The following SNX27 variants were observed in gnomAD, a reference collection of about 807,000 sequenced individuals.
The protein encoded by SNX27 is sorting nexin 27.
Under a neutral mutation model 71.6 loss-of-function variants are expected in SNX27, and 22 were observed. That is an observed-to-expected ratio of 0.31 (90% CI 0.22 to 0.44). The LOEUF (loss-of-function observed/expected upper bound fraction) is 0.44. Ranked by LOEUF, SNX27 falls within the 20% of genes least tolerant of loss-of-function variation. SNX27 has a pLI of 1.00. For missense variants in SNX27, 531 were observed against 698.6 expected, an observed-to-expected ratio of 0.76 and a Z score of 2.70; for synonymous variants, 269 against 277.2, an observed-to-expected ratio of 0.97 and a Z score of 0.29.
chr1:151,615,615 G>A, intron 1 of SNX27: 1 of 822,342 alleles, frequency 1.2e-6, no homozygotes, highest in Non-Finnish European at 1.5e-6. Context: ...TGAAGAGCCA[G>A]GTGGGGTCAG....
intron 2 of SNX27, among the ~76,000 whole-genome samples, chr1:151,652,255 G>A (rs1241147378): frequency 6.7e-6 from 1 of 149,238 alleles, no homozygotes; most frequent in East Asian, 2.0e-4. Flanking sequence ...AGACGGAGAG[G>A]GAGAGGGAGA....
At chr1:151,653,587 T>C (rs1669536262) in intron 2 of SNX27, among the ~76,000 whole-genome samples, 1 of 152,170 alleles carries the variant, frequency 6.6e-6, no homozygotes, top group Non-Finnish European at 1.5e-5. Flanking sequence ...TGCACAATAA[T>C]GGCTCTTTGC....
chr1:151,685,346 GA>G (rs1324681458), intron 8 of SNX27: 1 of 152,066 alleles, frequency 6.6e-6, no homozygotes, highest in Non-Finnish European at 1.5e-5. Flanking sequence ...TACTTTTCAG[GA>G]GAGAATATTG....
At chr1:151,653,275 T>C (rs1247567937) in intron 2 of SNX27, among the ~76,000 whole-genome samples, 1 of 152,152 alleles carries the variant, frequency 6.6e-6, no homozygotes, top group Non-Finnish European at 1.5e-5. Context: ...TTTTGTTCTG[T>C]AATATTTAAC....
In SNX27 at chr1:151,668,336, A is replaced by G. The variant is rs1013343044; in HGVS notation, c.986-136A>G. 52 of 768,756 alleles carry G rather than the reference A, an allele frequency of 6.8e-5. 1 individual carries two copies. The African/African-American group carries it at 9.3e-4, about 14-fold the overall frequency. 47.6% of individuals were successfully genotyped at this position (768,756 alleles called of 1,614,324 possible). A position where few individuals can be genotyped will look rare whatever the true frequency, so the allele number is the denominator to read the frequency against. ...TAAGGCTGTTTTGTGCTCCCAAGGC[A>G]GAACTCCTTGGTGGATTTGAGATGA... On this transcript the variant is annotated intron_variant, in intron 6 of 11. Transcript: ENST00000458013.
chr1:151,653,206 G>A (rs1039089707), intron 2 of SNX27, among the ~76,000 whole-genome samples: 2 of 152,104 alleles, frequency 1.3e-5, no homozygotes, highest in African/African-American at 4.8e-5. Context: ...GATTACAGGT[G>A]TGAGCCACCG....
chr1:151,658,725 C>T (rs6684548), intron 3 of SNX27, among the ~76,000 whole-genome samples: 48,781 of 151,968 alleles, frequency 0.32, 8,031 homozygotes, highest in Middle Eastern at 0.44. Flanking sequence ...CGCTCTGTCG[C>T]CAGGCTGGAG....
At chr1:151,643,427 T>G (rs1345244108) in intron 2 of SNX27, among the ~76,000 whole-genome samples, 1 of 151,642 alleles carries the variant, frequency 6.6e-6, no homozygotes, top group Non-Finnish European at 1.5e-5. Context: ...CCCCAGCAGC[T>G]GGGACTACAG....
At position 151,638,927 on chromosome 1, in the gene SNX27, G is replaced by C. The variant is rs775391877; in HGVS notation, c.351G>C (p.Val117=). ...TTGAGGGGGCGACACACAAGCAGGT[G>C]GTGGACCTGATTCGAGCAGGCGAGA... ...VNVEGATHKQ[V]VDLIRAGEKE... is the part of the protein sequence containing the mutation. The change falls in exon 2 of 12, where the codon GTG becomes GTC. Residue 117 remains valine (V), a synonymous_variant. Coordinates refer to ENST00000458013, the MANE Select transcript of SNX27 (RefSeq NM_001330723.2). 2 of 1,614,126 alleles carry C rather than the reference G, an allele frequency of 1.2e-6. No individual in the cohort carries two copies. The highest frequency in any genetic ancestry group is 1.7e-5 in the Admixed American group (1 of 60,016).
At chr1:151,659,968 G>A (rs1376584528) in intron 3 of SNX27, 1 of 152,100 alleles carries the variant, frequency 6.6e-6, no homozygotes, top group Non-Finnish European at 1.5e-5. Flanking sequence ...ACTTTTGTAG[G>A]GAGCCTTATC....
At chr1:151,668,145 A>G (rs1226642594) in intron 6 of SNX27, among the ~76,000 whole-genome samples, 1 of 151,660 alleles carries the variant, frequency 6.6e-6, no homozygotes, top group East Asian at 1.9e-4. Context: ...GTGTGTAGAG[A>G]TCACATTAGG....
At chr1:151,634,968 A>G (rs1189611649) in intron 1 of SNX27, among the ~76,000 whole-genome samples, 1 of 152,220 alleles carries the variant, frequency 6.6e-6, no homozygotes, top group Non-Finnish European at 1.5e-5. Flanking sequence ...CTTTTGTGTG[A>G]TAAGAGAATT....
intron 8 of SNX27, among the ~76,000 whole-genome samples, chr1:151,689,735 A>G (rs1272906309): frequency 6.6e-6 from 1 of 152,226 alleles, no homozygotes; most frequent in Admixed American, 6.5e-5. Flanking sequence ...ATTGCTGCTT[A>G]TCGAGCATGT....
chr1:151,660,943 T>A (rs1669939566), intron 4 of SNX27, 81 bp downstream of exon 4: 1 of 1,066,452 alleles, frequency 9.4e-7, no homozygotes, highest in Non-Finnish European at 1.5e-6. Flanking sequence ...TGATTATGCA[T>A]TAAATTTCCA....
At chr1:151,651,376 G>T (rs1213267265) in intron 2 of SNX27, among the ~76,000 whole-genome samples, 1 of 148,404 alleles carries the variant, frequency 6.7e-6, no homozygotes, top group South Asian at 2.2e-4. Context: ...GCCTGGCGGG[G>T]GGCTGACCCC....
intron 3 of SNX27, chr1:151,659,934 C>A (rs1669884191): frequency 6.6e-6 from 1 of 152,234 alleles, no homozygotes; most frequent in Non-Finnish European, 1.5e-5. Context: ...TTGTAACTAA[C>A]TGACCTAGTT....
chr1:151,628,006 G>GTTT (rs34932455), intron 1 of SNX27, among the ~76,000 whole-genome samples: 5 of 122,806 alleles, frequency 4.1e-5, no homozygotes, highest in Non-Finnish European at 5.1e-5. Flanking sequence ...TTTCATGACT[G>GTTT]TTTTTTTTTT....
At chr1:151,623,591 G>A (rs2102602714) in intron 1 of SNX27, among the ~76,000 whole-genome samples, 1 of 152,126 alleles carries the variant, frequency 6.6e-6, no homozygotes, top group South Asian at 2.1e-4. Context: ...GTAGAGACAA[G>A]GTCCCACTTT....
At chr1:151,630,462 G>A (rs891354633) in intron 1 of SNX27, among the ~76,000 whole-genome samples, 1 of 152,054 alleles carries the variant, frequency 6.6e-6, no homozygotes, top group Non-Finnish European at 1.5e-5. Context: ...GAAAATGCAA[G>A]CATTTTGGAA....
Sources: allele counts gnomAD v4.1 joint callset (sites outside exome capture counted in the v4.1 genomes callset), GRCh38; gene constraint gnomAD v4.1.1; transcripts MANE v1.5; gene names NCBI Gene and HGNC (gene_info 2026-07-23, HGNC 2026-07-21).